The following TBCA variants were observed in gnomAD, a reference collection of about 807,000 sequenced individuals.
TBCA encodes tubulin folding cofactor A.
Under a neutral mutation model 15.8 loss-of-function variants are expected in TBCA, and 6 were observed. The observed-to-expected ratio is 0.38, with a 90% CI of 0.21 to 0.75. The LOEUF is 0.75. Ranked by LOEUF, TBCA falls within the 30% of genes least tolerant of loss-of-function variation. The pLI is 0.46. For synonymous variants in TBCA, 32 were observed against 42.3 expected (o/e 0.76, Z 0.94); for missense variants, 90 against 131.2 (o/e 0.69, Z 1.53).
chr5:77,770,319 C>A (rs539437359), intron 1 of TBCA, among the ~76,000 whole-genome samples: 1 of 152,322 alleles, frequency 6.6e-6, no homozygotes, highest in African/African-American at 2.4e-5. Context: ...GTCAAGGATT[C>A]ATATTTACAC....
rs962592861 is a variant in TBCA at position 77,691,702 on chromosome 5, T to G, written c.247-204A>C. 6.1e-6 allele frequency: 8 copies of G among 1,313,634 alleles called. No homozygotes were observed. In the African/African-American group the frequency reaches 1.2e-4, roughly 20 times the overall value. The allele number at this position is 1,313,634 out of a possible 1,614,324, so 81.4% of individuals were successfully genotyped here. A position where few individuals can be genotyped will look rare whatever the true frequency, so the allele number is the denominator to read the frequency against. On this transcript the variant is annotated intron_variant, in intron 3 of 3. Coordinates refer to ENST00000380377, the MANE Select transcript of TBCA (RefSeq NM_004607.3). ...AAGGAAAGGAAGAAATAACTGGTGG[T>G]TTTGTTTCACTGTATATATTCTCAT... is the stretch of plus-strand genomic sequence containing the variant.
chr5:77,702,798 G>A (rs1366146005), intron 2 of TBCA, among the ~76,000 whole-genome samples: 2 of 152,180 alleles, frequency 1.3e-5, no homozygotes, highest in East Asian at 3.8e-4. Context: ...TCTATAACAA[G>A]AAATTTAAAA....
intron 1 of TBCA, among the ~76,000 whole-genome samples, chr5:77,771,096 G>A (rs1747899753): frequency 6.6e-6 from 1 of 152,074 alleles, no homozygotes; most frequent in Admixed American, 6.6e-5. Flanking sequence ...ACTCCAGCCT[G>A]GGTGACACAG....
At chr5:77,702,749 C>T (rs1229045087) in intron 2 of TBCA, among the ~76,000 whole-genome samples, 4 of 152,104 alleles carry the variant, frequency 2.6e-5, no homozygotes, top group Admixed American at 6.6e-5. Flanking sequence ...AAGGATGTAA[C>T]GACACCTCTT....
intron 1 of TBCA, among the ~76,000 whole-genome samples, chr5:77,736,557 T>A (rs1276245429): frequency 6.6e-6 from 1 of 152,318 alleles, no homozygotes; most frequent in African/African-American, 2.4e-5. Flanking sequence ...ACACTTTCTA[T>A]ATTCCTGTCA....
At chr5:77,695,112 G>C (rs1745844832) in intron 2 of TBCA, among the ~76,000 whole-genome samples, 1 of 152,022 alleles carries the variant, frequency 6.6e-6, no homozygotes, top group African/African-American at 2.4e-5. Flanking sequence ...AAATGACTAG[G>C]TCAAATCCAT....
At chr5:77,697,559 A>G (rs1745899528) in intron 2 of TBCA, among the ~76,000 whole-genome samples, 2 of 152,134 alleles carry the variant, frequency 1.3e-5, no homozygotes, top group Admixed American at 1.3e-4. Flanking sequence ...AAAGACACAG[A>G]TAAATGGAAA....
At chr5:77,740,462 C>A (rs1421847421) in intron 1 of TBCA, among the ~76,000 whole-genome samples, 1 of 152,030 alleles carries the variant, frequency 6.6e-6, no homozygotes, top group Non-Finnish European at 1.5e-5. Context: ...TATTTTAACC[C>A]AGGTGATGGA....
chr5:77,707,918 T>C (rs1011116644), intron 2 of TBCA, among the ~76,000 whole-genome samples: 1 of 151,800 alleles, frequency 6.6e-6, no homozygotes, highest in African/African-American at 2.4e-5. Context: ...CTTTAGAGAG[T>C]TGAGGTGGGA....
intron 1 of TBCA, among the ~76,000 whole-genome samples, chr5:77,761,792 CTTTG>C (rs1417154142): frequency 6.6e-6 from 1 of 151,644 alleles, no homozygotes; most frequent in African/African-American, 2.4e-5. Flanking sequence ...CCATCAAGGA[CTTTG>C]TTTTTGTCTC....
At chr5:77,755,642 T>C (rs972615247) in intron 1 of TBCA, among the ~76,000 whole-genome samples, 6 of 152,120 alleles carry the variant, frequency 3.9e-5, no homozygotes, top group Admixed American at 3.3e-4. Flanking sequence ...AATATGTAAC[T>C]AGCTGGAGTA....
chr5:77,721,981 G>A (rs765491193), intron 1 of TBCA, among the ~76,000 whole-genome samples: 13 of 151,872 alleles, frequency 8.6e-5, no homozygotes, highest in African/African-American at 3.1e-4. Flanking sequence ...GTAAAAACAC[G>A]AAAAATCTCT....
chr5:77,713,587 A>G (rs889656026), intron 1 of TBCA, among the ~76,000 whole-genome samples: 44 of 152,296 alleles, frequency 2.9e-4, no homozygotes, highest in Admixed American at 2.9e-3. Context: ...TTTCCAGTCA[A>G]CCAGTGATCA....
chr5:77,733,247 C>G (rs367633797), intron 1 of TBCA, among the ~76,000 whole-genome samples: 1 of 152,292 alleles, frequency 6.6e-6, no homozygotes. Flanking sequence ...GGCTATTGCA[C>G]TCCAGCCTGG....
Position 77,691,911 on chromosome 5 carries a change from A to G in TBCA, c.247-413T>C, listed in dbSNP as rs1380989446. ...CCAAAATAATCCACTGACTATTCACAATGACAAAGAAGGCTTCTGATGTCA... is the reference window on the plus strand; with the variant it reads ...CCAAAATAATCCACTGACTATTCACGATGACAAAGAAGGCTTCTGATGTCA... On this transcript the variant is annotated intron_variant, in intron 3 of 3. Coordinates refer to ENST00000380377, the MANE Select transcript of TBCA (RefSeq NM_004607.3). 5.1e-6 allele frequency: 5 copies of G among 989,178 alleles called. 1 individual carries two copies. The highest frequency in any genetic ancestry group is 6.1e-5 in the Admixed American group (1 of 16,364). The allele number at this position is 989,178 out of a possible 1,614,324, so 61.3% of individuals were successfully genotyped here. A position where few individuals can be genotyped will look rare whatever the true frequency, so the allele number is the denominator to read the frequency against.
chr5:77,734,887 G>A (rs1396660125), intron 1 of TBCA, among the ~76,000 whole-genome samples: 2 of 152,170 alleles, frequency 1.3e-5, no homozygotes, highest in Non-Finnish European at 2.9e-5. Flanking sequence ...TCAATCAGCA[G>A]CCATCAACGT....
At chr5:77,706,516 A>G (rs1746153036) in intron 2 of TBCA, among the ~76,000 whole-genome samples, 1 of 152,104 alleles carries the variant, frequency 6.6e-6, no homozygotes, top group African/African-American at 2.4e-5. Context: ...TAGAGAGAGT[A>G]AGAAATAGGA....
intron 1 of TBCA, among the ~76,000 whole-genome samples, chr5:77,713,745 AACT>A: frequency 6.6e-6 from 1 of 152,192 alleles, no homozygotes; most frequent in Non-Finnish European, 1.5e-5. Context: ...TGCCAAATTT[AACT>A]ATTTAAACAT....
intron 3 of TBCA, 162 bp from the exon 4 acceptor site, chr5:77,691,660 T>C: frequency 7.3e-7 from 1 of 1,366,228 alleles, no homozygotes; most frequent in East Asian, 3.0e-5. Flanking sequence ...GTTTCCCACA[T>C]TCTGTTCCTT....
Sources: gnomAD v4.1 joint callset for allele counts (sites outside exome capture counted in the v4.1 genomes callset) on GRCh38, gnomAD v4.1.1 for gene constraint, MANE v1.5 for transcripts, NCBI Gene and HGNC (gene_info 2026-07-23, HGNC 2026-07-21) for gene names.